The following PDGFD variants were observed in gnomAD, a reference collection of about 807,000 sequenced individuals.
PDGFD encodes the protein platelet-derived growth factor D.
In PDGFD, 30 loss-of-function variants were observed where a neutral mutation model predicts 44.7. The ratio of observed to expected loss-of-function variants is 0.67; its 90% CI spans 0.50 to 0.91. The LOEUF (loss-of-function observed/expected upper bound fraction) is 0.91. Among genes scored for constraint, PDGFD ranks in the 40% least tolerant of loss-of-function variants. The probability of loss-of-function intolerance (pLI) is 0.00; values close to 1 mark genes in which losing one functional copy is unlikely to be tolerated. For missense variants in PDGFD, 445 were observed against 457.8 expected, an observed-to-expected ratio of 0.97 and a Z score of 0.25; for synonymous variants, 173 against 168.4, an observed-to-expected ratio of 1.03 and a Z score of -0.21.
chr11:104,017,988 A>C (rs1242369993), intron 1 of PDGFD, among the ~76,000 whole-genome samples: 1 of 152,318 alleles, frequency 6.6e-6, no homozygotes, highest in East Asian at 1.9e-4. Context: ...TCAGATTAAA[A>C]AAATACAGTA....
intron 1 of PDGFD, among the ~76,000 whole-genome samples, chr11:104,102,727 G>A (rs916009884): frequency 4.6e-5 from 7 of 152,062 alleles, no homozygotes; most frequent in South Asian, 2.1e-4. Context: ...GCACATATAC[G>A]CCGTGGAATA....
chr11:104,153,188 C>T (rs1862267179), intron 1 of PDGFD, among the ~76,000 whole-genome samples: 2 of 152,116 alleles, frequency 1.3e-5, no homozygotes, highest in Admixed American at 1.3e-4. Flanking sequence ...AACCTGACAG[C>T]CACTCCAGAT....
At chr11:104,119,382 TATATAATATGATATAATATATA>T (rs1565340841) in intron 1 of PDGFD, among the ~76,000 whole-genome samples, 19 of 3,872 alleles carry the variant, frequency 4.9e-3, no homozygotes, top group South Asian at 0.056. Context: ...ATTGATATAA[TATATAATATGATATAATATATA>T]ATATAATATA....
At position 104,050,426 on chromosome 11, in the gene PDGFD, GTCCCGA is replaced by G. The variant is rs1860513674; in HGVS notation, c.125-50177_125-50172del. Among the ~76,000 whole-genome samples the G allele has an allele frequency of 7.2e-5, 11 of 152,280 alleles. No homozygotes were observed. In the South Asian group the frequency reaches 2.3e-3, roughly 32 times the overall value. ...GAAAAGGTAGTTGAATTTCAGGCCA[GTCCCGA>G]GGGCCCGCTTGAGATTCTACTCTAA... On this transcript the variant is annotated intron_variant, in intron 1 of 6. Coordinates refer to ENST00000393158, the MANE Select transcript of PDGFD (RefSeq NM_025208.5).
intron 3 of PDGFD, among the ~76,000 whole-genome samples, chr11:103,989,642 G>A (rs1443088530): frequency 2.0e-5 from 3 of 152,160 alleles, no homozygotes; most frequent in Non-Finnish European, 4.4e-5. Context: ...ATAAGCAAAT[G>A]GTAATGGGTG....
chr11:104,026,612 T>C (rs1420344699), intron 1 of PDGFD, among the ~76,000 whole-genome samples: 38 of 152,152 alleles, frequency 2.5e-4, no homozygotes. Flanking sequence ...AAAATTCCAG[T>C]TTTTAAAGGA....
At chr11:103,921,148 C>T (rs969454505) in intron 6 of PDGFD, among the ~76,000 whole-genome samples, 1 of 152,144 alleles carries the variant, frequency 6.6e-6, no homozygotes, top group African/African-American at 2.4e-5. Context: ...GGTAGGAAAA[C>T]ATCACAGACC....
chr11:103,928,698 T>A (rs1473345236), intron 5 of PDGFD, among the ~76,000 whole-genome samples: 3 of 152,224 alleles, frequency 2.0e-5, no homozygotes, highest in Non-Finnish European at 4.4e-5. Flanking sequence ...AATTTATTGC[T>A]GTTTTTTTCT....
intron 2 of PDGFD, among the ~76,000 whole-genome samples, chr11:103,998,989 C>A (rs1482279930): frequency 6.6e-6 from 1 of 151,490 alleles, no homozygotes; most frequent in Non-Finnish European, 1.5e-5. Context: ...AATATTAGTT[C>A]TTTTTTTTTG....
chr11:103,945,203 T>C (rs1304906503), intron 4 of PDGFD, among the ~76,000 whole-genome samples: 3 of 152,156 alleles, frequency 2.0e-5, no homozygotes, highest in Non-Finnish European at 4.4e-5. Flanking sequence ...ATTGTTGATA[T>C]TATATAGCTC....
intron 1 of PDGFD, among the ~76,000 whole-genome samples, chr11:104,001,132 C>T (rs1461463193): frequency 6.6e-6 from 1 of 152,172 alleles, no homozygotes; most frequent in Non-Finnish European, 1.5e-5. Flanking sequence ...TCTCTCCCAA[C>T]CTCTGGGGAT....
intron 1 of PDGFD, among the ~76,000 whole-genome samples, chr11:104,083,834 G>T (rs749835617): frequency 6.6e-6 from 1 of 152,128 alleles, no homozygotes; most frequent in Non-Finnish European, 1.5e-5. Flanking sequence ...AAATAATCTG[G>T]TGTCTTCTAG....
intron 3 of PDGFD, among the ~76,000 whole-genome samples, chr11:103,977,673 T>C (rs964213090): frequency 1.3e-5 from 2 of 152,104 alleles, no homozygotes; most frequent in South Asian, 2.1e-4. Context: ...GATGAAGTAA[T>C]GCATATGTTT....
intron 1 of PDGFD, among the ~76,000 whole-genome samples, chr11:104,156,151 GAT>G (rs576398940): frequency 1.3e-5 from 2 of 151,816 alleles, no homozygotes; most frequent in Admixed American, 6.6e-5. Context: ...TGTTGTACAT[GAT>G]ATATATATAC....
chr11:103,970,403 T>C (rs1450301965), intron 3 of PDGFD, among the ~76,000 whole-genome samples: 1 of 152,002 alleles, frequency 6.6e-6, no homozygotes, highest in Admixed American at 6.6e-5. Flanking sequence ...TAGCAAGTGA[T>C]AAAAAACTAT....
chr11:104,103,448 A>ATGTGTG lies in PDGFD; in HGVS notation c.124+60350_124+60355dup, dbSNP rs377722057. Among the ~76,000 whole-genome samples, 438 of 123,102 alleles carry ATGTGTG rather than the reference A, an allele frequency of 3.6e-3. 2 individuals are homozygous for ATGTGTG. The highest frequency in any genetic ancestry group is 0.027 in the Middle Eastern group (6 of 224). The allele number at this position is 123,102 out of a possible 152,430, so 80.8% of individuals were successfully genotyped here. On this transcript the variant is annotated intron_variant, in intron 1 of 6. Transcript: ENST00000393158. Reference sequence around the variant, plus strand: ...AATATTCAAATAAAAACAGACAATTATGTGTGTGTGTGTGTATATATATAT... The same window carrying ATGTGTG: ...AATATTCAAATAAAAACAGACAATTATGTGTGTGTGTGTGTGTGTGTATATATATAT...
chr11:104,138,359 A>G (rs370461408), intron 1 of PDGFD, among the ~76,000 whole-genome samples: 116 of 152,244 alleles, frequency 7.6e-4, no homozygotes, highest in African/African-American at 2.7e-3. Context: ...GCATCACAAA[A>G]GATTTCACTA....
Position 103,985,118 on chromosome 11 carries a change from A to AATATATTAATTTATTTAATATATT in PDGFD, c.510+10946_510+10947insAATATATTAAATAAATTAATATAT, listed in dbSNP as rs1565302913. On this transcript the variant is annotated intron_variant, in intron 3 of 6. Transcript: ENST00000393158. ...TTATATATTAATTTATTTAATATAT[A>AATATATTAATTTATTTAATATATT]ATATATTAATTTATTTAATATATAA... 6.7e-3 allele frequency among the ~76,000 whole-genome samples: 296 copies of AATATATTAATTTATTTAATATATT among 44,084 alleles called. 12 individuals carry two copies. Among genetic ancestry groups the AATATATTAATTTATTTAATATATT allele is most frequent in the Non-Finnish European group, 0.012 (257 of 21,934 alleles). The allele number at this position is 44,084 out of a possible 152,430, so 28.9% of individuals were successfully genotyped here. A position where few individuals can be genotyped will look rare whatever the true frequency, so the allele number is the denominator to read the frequency against.
chr11:103,996,093 G>A lies in PDGFD; in HGVS notation c.482C>T (p.Pro161Leu). 1 of 1,613,378 alleles carries A rather than the reference G, an allele frequency of 6.2e-7. No individual in the cohort carries two copies. Among genetic ancestry groups the A allele is most frequent in the Non-Finnish European group, 8.5e-7 (1 of 1,179,682 alleles). Residue 161 changes from proline (P) to leucine (L), a missense_variant, in exon 3 of 7, where the codon CCT (proline) becomes CTT (leucine). By Grantham distance (98) the Pro-to-Leu change is moderately conservative. Coordinates refer to ENST00000393158, the MANE Select transcript of PDGFD (RefSeq NM_025208.5). ...CAAAGAATAATAAATCTTGAATCCA[G>A]GTTTAGCCACAAAGTAGTCATCGGA... Reference protein sequence around the residue: ...FKSDDYFVAKPGFKIYYSLLE... With the variant: ...FKSDDYFVAKLGFKIYYSLLE...
Sources: allele counts gnomAD v4.1 joint callset (sites outside exome capture counted in the v4.1 genomes callset), GRCh38; gene constraint gnomAD v4.1.1; transcripts MANE v1.5; gene names NCBI Gene and HGNC (gene_info 2026-07-23, HGNC 2026-07-21).